SCN2A: variants seen among roughly 807,000 people sequenced by gnomAD.
SCN2A encodes the protein sodium voltage-gated channel alpha subunit 2, also known as sodium channel protein type 2 subunit alpha.
Under a neutral mutation model 188.7 loss-of-function variants are expected in SCN2A, and 20 were observed. That is an observed-to-expected ratio of 0.11 (90% confidence interval 0.07 to 0.15). The LOEUF (loss-of-function observed/expected upper bound fraction) is 0.15, where lower values mean the gene tolerates loss of function less well. Among genes scored for constraint, SCN2A ranks in the 10% least tolerant of loss-of-function variants. The pLI is 1.00. For synonymous variants in SCN2A, 804 were observed against 833.1 expected (o/e 0.97, Z 0.60); for missense variants, 1,278 against 2,445.0 (o/e 0.52, Z 10.07).
chr2:165,266,609 G>A (rs1351691674), intron 1 of SCN2A: 2 of 152,096 alleles, frequency 1.3e-5, no homozygotes, highest in Admixed American at 6.6e-5. Flanking sequence ...GAACTGCTTA[G>A]ATCATTTTCT....
At chr2:165,367,437 C>A (rs749901618) in intron 19 of SCN2A, 66 bp downstream of exon 19, 92 of 1,499,192 alleles carry the variant, frequency 6.1e-5, no homozygotes, top group Non-Finnish European at 8.4e-5. Context: ...CTTCAATCAA[C>A]TCATATTACC....
intron 16 of SCN2A, among the ~76,000 whole-genome samples, chr2:165,348,867 T>C (rs184375145): frequency 2.0e-5 from 3 of 152,330 alleles, no homozygotes; most frequent in African/African-American, 7.2e-5. Context: ...GTCCTTATGA[T>C]ATGGCAGCTG....
At chr2:165,300,988 T>C (rs548010587) in intron 3 of SCN2A, among the ~76,000 whole-genome samples, 4 of 152,104 alleles carry the variant, frequency 2.6e-5, no homozygotes, top group African/African-American at 9.7e-5. Context: ...ACAATGAGGA[T>C]GGTAAAATGT....
At chr2:165,250,995 T>G (rs1694065467) in intron 1 of SCN2A, among the ~76,000 whole-genome samples, 1 of 152,120 alleles carries the variant, frequency 6.6e-6, no homozygotes, top group African/African-American at 2.4e-5. Flanking sequence ...AAAATATGAT[T>G]TAATATAATA....
chr2:165,314,643 G>A (rs989268016), intron 10 of SCN2A, among the ~76,000 whole-genome samples: 1 of 152,164 alleles, frequency 6.6e-6, no homozygotes, highest in Non-Finnish European at 1.5e-5. Flanking sequence ...AATCACTAGT[G>A]TGTAAACATA....
chr2:165,308,096 AAG>A (rs1454903831), intron 4 of SCN2A, among the ~76,000 whole-genome samples, 159 bp downstream of exon 4: 1 of 152,122 alleles, frequency 6.6e-6, no homozygotes, highest in Admixed American at 6.6e-5. Context: ...TTCTAGGACA[AAG>A]CTTGTAGTGG....
rs567055281 is a variant in SCN2A, at chr2:165,291,231, A to T, written c.-51-4542A>T. ...TAATTTTTTCTATTTTTTAGTAGAG[A>T]TGGGGTTTCATCATGTTGGCCAGGC... On this transcript the variant is annotated intron_variant, in intron 1 of 26. Coordinates refer to ENST00000375437, the MANE Select transcript of SCN2A (RefSeq NM_001040142.2). Among the ~76,000 whole-genome samples the T allele has an allele frequency of 4.6e-5, 7 of 150,760 alleles. No individual in the cohort carries two copies. The South Asian group carries it at 1.5e-3, about 32-fold the overall frequency.
At chr2:165,241,846 C>G (rs1693636087) in intron 1 of SCN2A, among the ~76,000 whole-genome samples, 1 of 152,006 alleles carries the variant, frequency 6.6e-6, no homozygotes, top group African/African-American at 2.4e-5. Context: ...GAGGATGTGA[C>G]AGTTAAATTA....
intron 1 of SCN2A, among the ~76,000 whole-genome samples, chr2:165,248,048 G>C (rs1693925619): frequency 1.3e-5 from 2 of 151,990 alleles, no homozygotes; most frequent in Admixed American, 1.3e-4. Flanking sequence ...TTCAACTTCA[G>C]AATATACCCA....
At chr2:165,376,024 A>G (rs1701295774) in intron 22 of SCN2A, among the ~76,000 whole-genome samples, 1 of 151,980 alleles carries the variant, frequency 6.6e-6, no homozygotes, top group South Asian at 2.1e-4. Flanking sequence ...AACAGAAAGC[A>G]GAATGACAAT....
chr2:165,353,798 C>T (rs1700049941), intron 16 of SCN2A, among the ~76,000 whole-genome samples: 1 of 152,144 alleles, frequency 6.6e-6, no homozygotes, highest in African/African-American at 2.4e-5. Flanking sequence ...CACCTACCAC[C>T]AGGCCCCACG....
intron 1 of SCN2A, among the ~76,000 whole-genome samples, chr2:165,255,964 A>G (rs1326698096): frequency 1.7e-5 from 2 of 120,186 alleles, no homozygotes; most frequent in Non-Finnish European, 3.3e-5. Flanking sequence ...GACCTTCTCT[A>G]GCTCAACAGG....
intron 5 of SCN2A, 46 bp from the exon 6 acceptor site, chr2:165,309,306 T>C (rs947245904): frequency 6.2e-7 from 1 of 1,613,354 alleles, no homozygotes; most frequent in African/African-American, 1.3e-5. Context: ...CTCCAACTGT[T>C]TCTTGTGTTC....
chr2:165,315,966 G>C (rs1697725179), intron 11 of SCN2A, among the ~76,000 whole-genome samples: 1 of 152,118 alleles, frequency 6.6e-6, no homozygotes, highest in Admixed American at 6.5e-5. Flanking sequence ...AGATCCCTCT[G>C]GGTTTGGAAA....
At chr2:165,380,931 T>A (rs1701570551) in intron 24 of SCN2A, 162 bp from the exon 25 acceptor site, 1 of 675,002 alleles carries the variant, frequency 1.5e-6, no homozygotes, top group African/African-American at 1.8e-5. Context: ...GAAATATGAC[T>A]AATATGGCAT....
At position 165,350,112 on chromosome 2, in the gene SCN2A, T is replaced by C. The variant is rs78044563; in HGVS notation, c.2920-4080T>C. Reference sequence around the variant, plus strand: ...AGACACGATGGCAAGAGACCCTTCATTGGTTGAAGATAGGTGCTGCAGAAA... The same window carrying C: ...AGACACGATGGCAAGAGACCCTTCACTGGTTGAAGATAGGTGCTGCAGAAA... On this transcript the variant is annotated intron_variant, in intron 16 of 26. Transcript: ENST00000375437. 4.8e-3 allele frequency among the ~76,000 whole-genome samples: 736 copies of C among 152,154 alleles called. 8 individuals carry two copies. Among genetic ancestry groups the C allele is most frequent in the African/African-American group, 0.017 (691 of 41,494 alleles).
chr2:165,362,893 G>A (rs895654141), intron 17 of SCN2A, among the ~76,000 whole-genome samples: 1 of 152,072 alleles, frequency 6.6e-6, no homozygotes, highest in Non-Finnish European at 1.5e-5. Flanking sequence ...TAGGAGTCCA[G>A]ATTTATTGGG....
At chr2:165,315,250 C>CT (rs1232787189) in intron 10 of SCN2A, among the ~76,000 whole-genome samples, 2 of 152,098 alleles carry the variant, frequency 1.3e-5, no homozygotes, top group African/African-American at 4.8e-5. Flanking sequence ...GAGGACAGAG[C>CT]TTGAAGGTTC....
At chr2:165,353,548 G>A (rs572095346) in intron 16 of SCN2A, among the ~76,000 whole-genome samples, 25 of 152,226 alleles carry the variant, frequency 1.6e-4, no homozygotes, top group African/African-American at 6.0e-4. Flanking sequence ...GATTTAATTA[G>A]CTCATGGTTC....
Sources: gnomAD v4.1 joint callset for allele counts (sites outside exome capture counted in the v4.1 genomes callset) on GRCh38, gnomAD v4.1.1 for gene constraint, MANE v1.5 for transcripts, NCBI Gene and HGNC (gene_info 2026-07-23, HGNC 2026-07-21) for gene names.